Variants in ZCWPW2 observed in about 807,000 individuals in gnomAD.
ZCWPW2 encodes zinc finger CW-type and PWWP domain containing 2.
Under a neutral mutation model 46.6 loss-of-function variants are expected in ZCWPW2, and 45 were observed. The ratio of observed to expected loss-of-function variants is 0.96; its 90% CI spans 0.76 to 1.24. The LOEUF is 1.24. Ranked by LOEUF, ZCWPW2 falls within the 50% of genes most tolerant of loss-of-function variation. The pLI, the probability that ZCWPW2 is intolerant of heterozygous loss-of-function variation, is 0.00. For synonymous variants in ZCWPW2, 152 were observed against 137.1 expected (o/e 1.11, Z -0.76); for missense variants, 429 against 403.9 (o/e 1.06, Z -0.53).
At chr3:28,449,022 A>G (rs1364875348) in intron 4 of ZCWPW2, among the ~76,000 whole-genome samples, 1 of 152,088 alleles carries the variant, frequency 6.6e-6, no homozygotes, top group African/African-American at 2.4e-5. Context: ...AAAACTTAGG[A>G]CAAAGCCACA....
chr3:28,408,823 C>A (rs1230283745), intron 2 of ZCWPW2, among the ~76,000 whole-genome samples: 1 of 152,148 alleles, frequency 6.6e-6, no homozygotes, highest in Non-Finnish European at 1.5e-5. Flanking sequence ...TTTCCCTCAG[C>A]TCAGTTGTTC....
In ZCWPW2 at chr3:28,360,739, AAAAAAC is replaced by A. The variant is rs1303020329; in HGVS notation, c.-134+11550_-134+11555del. ...ACAGCCACTAGGATGGCTATTATCA[AAAAAAC>A]AAAAACAAAAACAGAAAATAACTAT... On this transcript the variant is annotated intron_variant, in intron 1 of 9. Coordinates refer to ENST00000383768, the MANE Select transcript of ZCWPW2 (RefSeq NM_001040432.4). Among the ~76,000 whole-genome samples, 7 of 152,278 alleles carry A rather than the reference AAAAAAC, an allele frequency of 4.6e-5. No individual in the cohort carries two copies. The East Asian group carries it at 7.7e-4, about 17-fold the overall frequency.
chr3:28,405,571 T>C (rs192692549), intron 2 of ZCWPW2, among the ~76,000 whole-genome samples: 294 of 152,124 alleles, frequency 1.9e-3, no homozygotes, highest in African/African-American at 6.6e-3. Context: ...TGCCTTCCAG[T>C]TTCAAGTGAT....
At chr3:28,490,923 T>C (rs774004628) in intron 5 of ZCWPW2, among the ~76,000 whole-genome samples, 4 of 152,266 alleles carry the variant, frequency 2.6e-5, no homozygotes, top group Admixed American at 6.6e-5. Flanking sequence ...AGGTAAAATG[T>C]ATATTTCAGA....
chr3:28,506,263 T>C (rs1700275326), intron 6 of ZCWPW2, among the ~76,000 whole-genome samples: 1 of 151,902 alleles, frequency 6.6e-6, no homozygotes, highest in Non-Finnish European at 1.5e-5. Flanking sequence ...GTGGAAAGCA[T>C]TAAATTAGTG....
chr3:28,439,511 G>T (rs1339787982), intron 4 of ZCWPW2, among the ~76,000 whole-genome samples: 1 of 152,020 alleles, frequency 6.6e-6, no homozygotes, highest in Non-Finnish European at 1.5e-5. Context: ...TCAATACTTT[G>T]TATCCTTCAA....
chr3:28,412,290 T>C (rs1696431496), intron 2 of ZCWPW2, among the ~76,000 whole-genome samples: 1 of 151,854 alleles, frequency 6.6e-6, no homozygotes, highest in African/African-American at 2.4e-5. Context: ...TCAAACTTTT[T>C]ATATGTTTAA....
intron 1 of ZCWPW2, among the ~76,000 whole-genome samples, chr3:28,366,769 G>T (rs1414627048): frequency 6.6e-6 from 1 of 152,260 alleles, no homozygotes; most frequent in Middle Eastern, 3.4e-3. Context: ...AATCCATCTG[G>T]TCCTGGACTT....
At chr3:28,390,451 G>A in intron 1 of ZCWPW2, 47 bp from the exon 2 acceptor site, 3 of 972,886 alleles carry the variant, frequency 3.1e-6, no homozygotes, top group Non-Finnish European at 3.7e-6. Context: ...AAAAATGTGG[G>A]TATTATATAG....
chr3:28,363,934 A>G (rs1262613103), intron 1 of ZCWPW2, among the ~76,000 whole-genome samples: 2 of 152,122 alleles, frequency 1.3e-5, no homozygotes, highest in Admixed American at 6.6e-5. Context: ...TCTTTTCACA[A>G]TGGCAATTAT....
intron 3 of ZCWPW2, among the ~76,000 whole-genome samples, chr3:28,423,051 T>C (rs1468635255): frequency 1.3e-5 from 2 of 152,182 alleles, no homozygotes; most frequent in Non-Finnish European, 2.9e-5. Context: ...AATCTGGTTA[T>C]TCATTTTCTT....
chr3:28,369,244 G>A (rs948378290), intron 1 of ZCWPW2, among the ~76,000 whole-genome samples: 30 of 152,154 alleles, frequency 2.0e-4, no homozygotes, highest in African/African-American at 6.8e-4. Flanking sequence ...TTGATTTTTA[G>A]AGTTTCCGGT....
intron 4 of ZCWPW2, among the ~76,000 whole-genome samples, chr3:28,440,364 C>T (rs765917677): frequency 1.3e-5 from 2 of 152,142 alleles, no homozygotes; most frequent in Non-Finnish European, 2.9e-5. Flanking sequence ...GCCAGCAAAA[C>T]ATAATGTTGC....
chr3:28,402,441 G>A (rs1361257333), intron 2 of ZCWPW2, among the ~76,000 whole-genome samples: 1 of 151,928 alleles, frequency 6.6e-6, no homozygotes, highest in Non-Finnish European at 1.5e-5. Context: ...TTAAGTCCAG[G>A]ATGAGGCAGA....
intron 4 of ZCWPW2, among the ~76,000 whole-genome samples, chr3:28,457,898 A>G (rs1397779997): frequency 2.0e-5 from 3 of 152,196 alleles, no homozygotes; most frequent in Admixed American, 2.0e-4. Flanking sequence ...AAAATTTACC[A>G]TCTTAATCAT....
chr3:28,447,814 T>C, intron 4 of ZCWPW2: 1 of 977,278 alleles, frequency 1.0e-6, no homozygotes, highest in South Asian at 1.3e-5. Flanking sequence ...GCAATAGAAT[T>C]GTTTACCTTT....
At chr3:28,517,253 T>C (rs1700599729) in intron 8 of ZCWPW2, among the ~76,000 whole-genome samples, 1 of 152,156 alleles carries the variant, frequency 6.6e-6, no homozygotes, top group South Asian at 2.1e-4. Context: ...TATAAGGGAA[T>C]GTGTTAGTCT....
chr3:28,353,819 A>C lies in ZCWPW2; in HGVS notation c.-134+4616A>C, dbSNP rs186088905. Among the ~76,000 whole-genome samples the C allele has an allele frequency of 1.6e-4, 25 of 152,338 alleles. 1 individual carries two copies. Among genetic ancestry groups the C allele is most frequent in the Admixed American group, 1.2e-3 (18 of 15,306 alleles). On this transcript the variant is annotated intron_variant, in intron 1 of 9. Coordinates refer to ENST00000383768, the MANE Select transcript of ZCWPW2 (RefSeq NM_001040432.4). Reference sequence around the variant, plus strand: ...ACATGAACAATCATAGGGAGAAGAAATGTGAGACCAACCAACAGGAGAACA... The same window carrying C: ...ACATGAACAATCATAGGGAGAAGAACTGTGAGACCAACCAACAGGAGAACA...
In ZCWPW2 at chr3:28,350,797, T is replaced by TTAATTAAAATGTC. The variant is rs540689358; in HGVS notation, c.-134+1594_-134+1595insTAATTAAAATGTC. ...CTGATAAGTTAATTAAAAGATACAG[T>TTAATTAAAATGTC]CTTGATAAGGACATTTTATAGGAAA... On this transcript the variant is annotated intron_variant, in intron 1 of 9. Coordinates refer to ENST00000383768, the MANE Select transcript of ZCWPW2 (RefSeq NM_001040432.4). Among the ~76,000 whole-genome samples, 152 of 151,968 alleles carry TTAATTAAAATGTC rather than the reference T, an allele frequency of 1.0e-3. 4 individuals are homozygous for TTAATTAAAATGTC. The highest frequency in any genetic ancestry group is 6.8e-3 in the Middle Eastern group (2 of 294).
Sources: gnomAD v4.1 joint callset for allele counts (sites outside exome capture counted in the v4.1 genomes callset) on GRCh38, gnomAD v4.1.1 for gene constraint, MANE v1.5 for transcripts, NCBI Gene and HGNC (gene_info 2026-07-23, HGNC 2026-07-21) for gene names.